PTPRT: variants seen among roughly 807,000 people sequenced by gnomAD.
PTPRT encodes protein tyrosine phosphatase receptor type T.
In PTPRT, 56 loss-of-function variants were observed where a neutral mutation model predicts 176.8. That is an observed-to-expected ratio of 0.32 (90% confidence interval 0.26 to 0.40). PTPRT has a LOEUF of 0.40. Among genes scored for constraint, PTPRT ranks in the 10% least tolerant of loss-of-function variants. The pLI, the probability that PTPRT is intolerant of heterozygous loss-of-function variation, is 1.00. For synonymous variants in PTPRT, 783 were observed against 739.0 expected, an observed-to-expected ratio of 1.06 and a Z score of -0.96; for missense variants, 1,540 against 1,908.2, an observed-to-expected ratio of 0.81 and a Z score of 3.60.
At chr20:43,134,137 A>T (rs2013743620) in intron 1 of PTPRT, among the ~76,000 whole-genome samples, 1 of 152,218 alleles carries the variant, frequency 6.6e-6, no homozygotes, top group African/African-American at 2.4e-5. Context: ...GGAAATCTAC[A>T]GAACAAATAA....
At chr20:43,062,117 G>A (rs1478545593) in intron 1 of PTPRT, among the ~76,000 whole-genome samples, 1 of 152,216 alleles carries the variant, frequency 6.6e-6, no homozygotes, top group Non-Finnish European at 1.5e-5. Flanking sequence ...AAAGAGGAAG[G>A]AGAGCCATTT....
intron 16 of PTPRT, among the ~76,000 whole-genome samples, chr20:42,164,551 C>T (rs1989746083): frequency 6.6e-6 from 1 of 152,174 alleles, no homozygotes; most frequent in Admixed American, 6.5e-5. Flanking sequence ...AAGTATCTTA[C>T]CTCACCTATT....
intron 9 of PTPRT, among the ~76,000 whole-genome samples, chr20:42,434,032 G>C (rs148900457): frequency 3.2e-3 from 485 of 151,932 alleles, no homozygotes; most frequent in South Asian, 0.028. Context: ...GGAATAAATA[G>C]ATTACACAGA....
intron 28 of PTPRT, 76 bp from the exon 29 acceptor site, chr20:42,084,921 C>A: frequency 7.9e-7 from 1 of 1,258,466 alleles, no homozygotes; most frequent in Non-Finnish European, 1.0e-6. Flanking sequence ...ACCCCGGGGA[C>A]TGCAGCATCA....
chr20:43,162,394 G>C (rs906193451), intron 1 of PTPRT, among the ~76,000 whole-genome samples: 1 of 152,144 alleles, frequency 6.6e-6, no homozygotes, highest in Non-Finnish European at 1.5e-5. Flanking sequence ...TGAGGCAGAG[G>C]TGGCCAAGCA....
chr20:42,729,545 G>A (rs1440103507), intron 6 of PTPRT, among the ~76,000 whole-genome samples: 1 of 152,190 alleles, frequency 6.6e-6, no homozygotes, highest in Non-Finnish European at 1.5e-5. Flanking sequence ...CCAGAGTTAC[G>A]GGACTGGGGT....
chr20:42,082,766 CAG>C (rs1458575887), intron 29 of PTPRT, among the ~76,000 whole-genome samples: 1 of 152,224 alleles, frequency 6.6e-6, no homozygotes, highest in African/African-American at 2.4e-5. Flanking sequence ...AAACTCTTTA[CAG>C]ACAGTCCCTG....
intron 7 of PTPRT, among the ~76,000 whole-genome samples, chr20:42,547,999 A>C (rs1436946021): frequency 6.6e-6 from 1 of 152,092 alleles, no homozygotes; most frequent in African/African-American, 2.4e-5. Flanking sequence ...AATATGTTTA[A>C]GAATCAACAA....
At chr20:42,192,604 C>T (rs1005212395) in intron 16 of PTPRT, among the ~76,000 whole-genome samples, 1 of 152,114 alleles carries the variant, frequency 6.6e-6, no homozygotes, top group Non-Finnish European at 1.5e-5. Flanking sequence ...TGCTGGCTGC[C>T]TGGTATATTT....
chr20:42,712,751 G>C (rs1235642158), intron 6 of PTPRT, among the ~76,000 whole-genome samples: 5 of 152,192 alleles, frequency 3.3e-5, no homozygotes, highest in African/African-American at 9.7e-5. Context: ...ATCTATCAAA[G>C]TTAAAAATGT....
At chr20:42,540,956 G>A (rs1483250377) in intron 7 of PTPRT, among the ~76,000 whole-genome samples, 2 of 152,104 alleles carry the variant, frequency 1.3e-5, no homozygotes, top group Non-Finnish European at 2.9e-5. Context: ...CAGTGGAAAA[G>A]TCACAAGTAC....
At chr20:42,105,869 G>A (rs1986387766) in intron 24 of PTPRT, among the ~76,000 whole-genome samples, 3 of 152,216 alleles carry the variant, frequency 2.0e-5, no homozygotes, top group Non-Finnish European at 2.9e-5. Flanking sequence ...GATGTGCATA[G>A]TTCCCTATCT....
chr20:42,930,334 G>GC (rs1396768313), intron 1 of PTPRT, among the ~76,000 whole-genome samples: 1 of 152,068 alleles, frequency 6.6e-6, no homozygotes, highest in Non-Finnish European at 1.5e-5. Context: ...GAAGATTTGG[G>GC]CCCCTGGACA....
intron 9 of PTPRT, among the ~76,000 whole-genome samples, chr20:42,417,663 C>T (rs564432831): frequency 1.3e-5 from 2 of 149,848 alleles, no homozygotes; most frequent in African/African-American, 2.5e-5. Flanking sequence ...TTGAAGCAAA[C>T]ATTTACTGTA....
chr20:42,678,547 G>A (rs908510043), intron 6 of PTPRT, among the ~76,000 whole-genome samples: 4 of 152,022 alleles, frequency 2.6e-5, no homozygotes, highest in Non-Finnish European at 5.9e-5. Context: ...GAGGTGATCC[G>A]CTGGCCTCAG....
intron 1 of PTPRT, among the ~76,000 whole-genome samples, chr20:43,021,853 G>T (rs1985696959): frequency 6.7e-6 from 1 of 150,264 alleles, no homozygotes; most frequent in Admixed American, 6.6e-5. Context: ...AAGGGTGTAT[G>T]GTTGTCAGGC....
At chr20:42,733,093 C>G (rs1233146670) in intron 6 of PTPRT, among the ~76,000 whole-genome samples, 1 of 152,186 alleles carries the variant, frequency 6.6e-6, no homozygotes, top group Non-Finnish European at 1.5e-5. Context: ...TCCACCCTCA[C>G]TTACTTCAAT....
chr20:42,265,692 C>T (rs1322490378), intron 13 of PTPRT, among the ~76,000 whole-genome samples: 2 of 152,128 alleles, frequency 1.3e-5, no homozygotes, highest in Non-Finnish European at 2.9e-5. Flanking sequence ...CACCATCTGT[C>T]AACCCCTTCC....
intron 2 of PTPRT, among the ~76,000 whole-genome samples, chr20:42,836,677 G>T (rs911501160): frequency 3.9e-5 from 6 of 152,026 alleles, no homozygotes; most frequent in Non-Finnish European, 8.8e-5. Flanking sequence ...ATCCTTAATC[G>T]GCCACTGAAT....
Sources: allele counts gnomAD v4.1 joint callset (sites outside exome capture counted in the v4.1 genomes callset), GRCh38; gene constraint gnomAD v4.1.1; transcripts MANE v1.5; gene names NCBI Gene and HGNC (gene_info 2026-07-23, HGNC 2026-07-21).